The following TJP1 variants were observed in gnomAD, a reference collection of about 807,000 sequenced individuals.
The protein encoded by TJP1 is tight junction protein ZO-1.
A neutral mutation model predicts 194.2 loss-of-function variants in TJP1; 43 were observed. The observed-to-expected ratio is 0.22, with a 90% CI of 0.17 to 0.29. TJP1 has a LOEUF of 0.29. Among genes scored for constraint, TJP1 ranks in the 10% least tolerant of loss-of-function variants. TJP1 has a pLI of 1.00. For missense variants in TJP1, 1,971 were observed against 2,185.7 expected, an observed-to-expected ratio of 0.90 and a Z score of 1.96; for synonymous variants, 801 against 779.0, an observed-to-expected ratio of 1.03 and a Z score of -0.47.
chr15:29,808,367 G>A (rs1455197190), intron 1 of TJP1, among the ~76,000 whole-genome samples: 2 of 152,218 alleles, frequency 1.3e-5, no homozygotes, highest in African/African-American at 4.8e-5. Context: ...GGATGGAGGT[G>A]GGGGAGCTTC....
chr15:29,763,748 A>C (rs2046153097), intron 5 of TJP1, among the ~76,000 whole-genome samples: 1 of 143,566 alleles, frequency 7.0e-6, no homozygotes, highest in Non-Finnish European at 1.5e-5. Context: ...AGCCTGAGAG[A>C]GAGAGTGAGA....
chr15:29,883,364 G>T (rs1018043494), intron 2 of TJP1, among the ~76,000 whole-genome samples: 1 of 152,188 alleles, frequency 6.6e-6, no homozygotes, highest in Non-Finnish European at 1.5e-5. Context: ...AGGGAATGTG[G>T]CATGGTGTTC....
At chr15:29,937,027 G>A (rs2054907635) in intron 2 of TJP1, among the ~76,000 whole-genome samples, 1 of 152,040 alleles carries the variant, frequency 6.6e-6, no homozygotes, top group Non-Finnish European at 1.5e-5. Flanking sequence ...TTAAGTTATG[G>A]TGAAGTGTTA....
intron 2 of TJP1, among the ~76,000 whole-genome samples, chr15:29,882,615 G>A (rs146152044): frequency 6.4e-4 from 98 of 152,246 alleles, no homozygotes; most frequent in Middle Eastern, 3.4e-3. Context: ...ACTGACTTAG[G>A]TGCCTGGATT....
intron 2 of TJP1, among the ~76,000 whole-genome samples, chr15:29,797,466 T>C: frequency 6.6e-6 from 1 of 151,562 alleles, no homozygotes; most frequent in East Asian, 1.9e-4. Flanking sequence ...TTATCAAAAC[T>C]TAAAGCATGT....
At chr15:29,963,804 C>A (rs1478651495) in intron 1 of TJP1, among the ~76,000 whole-genome samples, 1 of 152,102 alleles carries the variant, frequency 6.6e-6, no homozygotes, top group Non-Finnish European at 1.5e-5. Context: ...CAGGTACGCG[C>A]CATCACGCCC....
rs1471382634 is a variant in TJP1, at chr15:29,733,077, T to C, written c.1736+17A>G. 6.2e-7 allele frequency: 1 copy of C among 1,606,950 alleles called. No individual in the cohort carries two copies. The highest frequency in any genetic ancestry group is 2.2e-5 in the East Asian group (1 of 44,832). On this transcript the variant is annotated intron_variant, in intron 13 of 27. Coordinates refer to ENST00000614355, the MANE Select transcript of TJP1 (RefSeq NM_001330239.4). ...TTTACTTGATTCACTCTATGAGAAG[T>C]ATCCAAGCATTCATACCTGTTCTTA...
rs1359071932 is a variant in TJP1, at chr15:29,822,137, G to A, written c.-109C>T. 3.3e-6 allele frequency: 4 copies of A among 1,197,114 alleles called. No individual in the cohort carries two copies. Among genetic ancestry groups the A allele is most frequent in the South Asian group, 4.2e-5 (1 of 23,958 alleles). 74.2% of individuals were successfully genotyped at this position (1,197,114 alleles called of 1,614,324 possible). A position where few individuals can be genotyped will look rare whatever the true frequency, so the allele number is the denominator to read the frequency against. ...AAATAAACATCTCCCGAGAGCGAGCGGGGCACGGGCGGGGGCGGCCGGAAG... is the reference window on the plus strand; with the variant it reads ...AAATAAACATCTCCCGAGAGCGAGCAGGGCACGGGCGGGGGCGGCCGGAAG... On this transcript the variant is annotated 5_prime_UTR_variant, in exon 1 of 28. Transcript: ENST00000614355.
intron 2 of TJP1, among the ~76,000 whole-genome samples, chr15:29,838,354 G>A (rs2051106074): frequency 2.0e-5 from 3 of 152,292 alleles, no homozygotes; most frequent in Admixed American, 2.0e-4. Context: ...GAACCCAGGA[G>A]GCAGAGGTTG....
intron 2 of TJP1, among the ~76,000 whole-genome samples, chr15:29,914,684 C>T (rs76737215): frequency 0.013 from 2,053 of 152,120 alleles, 50 homozygotes; most frequent in African/African-American, 0.047. Flanking sequence ...GACAGACCTC[C>T]GGGGAGAGTA....
At chr15:29,866,807 C>T (rs1010187330) in intron 2 of TJP1, among the ~76,000 whole-genome samples, 33 of 152,152 alleles carry the variant, frequency 2.2e-4, no homozygotes, top group African/African-American at 7.2e-4. Flanking sequence ...GGCTGGAGAC[C>T]GAGCTGTCAG....
intron 2 of TJP1, among the ~76,000 whole-genome samples, chr15:29,788,760 G>A (rs1037223458): frequency 6.6e-6 from 1 of 152,126 alleles, no homozygotes. Flanking sequence ...AAAAAGCAGA[G>A]TAACGACGAG....
intron 2 of TJP1, among the ~76,000 whole-genome samples, chr15:29,923,539 A>G (rs1375027675): frequency 6.6e-6 from 1 of 152,212 alleles, no homozygotes; most frequent in Admixed American, 6.5e-5. Flanking sequence ...ACAGCATGCA[A>G]AGTCAAAGAC....
chr15:29,730,483 GCTGCTTGGAAGGCCGAGGTGTGTGGA>G (rs927236042), intron 15 of TJP1, among the ~76,000 whole-genome samples: 1 of 151,884 alleles, frequency 6.6e-6, no homozygotes, highest in African/African-American at 2.4e-5. Flanking sequence ...TGTAGTCCTA[GCTGCTTGGAAGGCCGAGGTGTGTGGA>G]CTGCTTGAAC....
At chr15:29,848,992 C>T (rs1182090328) in intron 2 of TJP1, among the ~76,000 whole-genome samples, 1 of 151,848 alleles carries the variant, frequency 6.6e-6, no homozygotes, top group Non-Finnish European at 1.5e-5. Flanking sequence ...TATATAATAA[C>T]TTGCTGACAT....
At chr15:29,783,334 A>T (rs763842384) in intron 2 of TJP1, among the ~76,000 whole-genome samples, 51 of 152,230 alleles carry the variant, frequency 3.4e-4, no homozygotes, top group East Asian at 3.9e-4. Flanking sequence ...GCTAATATTA[A>T]AAAAAGTCAA....
intron 20 of TJP1, 128 bp downstream of exon 20, chr15:29,719,649 T>C (rs1290111296): frequency 1.7e-6 from 2 of 1,199,458 alleles, no homozygotes; most frequent in East Asian, 2.4e-5. Flanking sequence ...TTGTATTGAT[T>C]TGAAAGCATT....
chr15:29,741,080 C>A, intron 10 of TJP1: 42 of 154,826 alleles, frequency 2.7e-4, no homozygotes, highest in Middle Eastern at 2.6e-3. Flanking sequence ...TTTTTTTTTT[C>A]TAATTCCTAA....
At chr15:29,750,099 C>T (rs868063184) in intron 8 of TJP1, among the ~76,000 whole-genome samples, 6 of 152,036 alleles carry the variant, frequency 3.9e-5, no homozygotes, top group Non-Finnish European at 5.9e-5. Flanking sequence ...GCTCCGCCTC[C>T]CGGGTTCACG....
Sources: gnomAD v4.1 joint callset for allele counts (sites outside exome capture counted in the v4.1 genomes callset) on GRCh38, gnomAD v4.1.1 for gene constraint, MANE v1.5 for transcripts, NCBI Gene and HGNC (gene_info 2026-07-23, HGNC 2026-07-21) for gene names.